Variants in STK40 observed in about 807,000 individuals in gnomAD.
STK40 encodes serine/threonine kinase 40, also known as serine/threonine-protein kinase 40.
In STK40, 13 loss-of-function variants were observed where a neutral mutation model predicts 47.9. That is an observed-to-expected ratio of 0.27 (90% CI 0.18 to 0.43). The LOEUF (loss-of-function observed/expected upper bound fraction) is 0.43. STK40 is among the 20% of genes least tolerant of loss of function. The pLI is 1.00. For missense variants in STK40, 460 were observed against 595.1 expected, an observed-to-expected ratio of 0.77 and a Z score of 2.36; for synonymous variants, 225 against 243.2, an observed-to-expected ratio of 0.93 and a Z score of 0.69.
At chr1:36,365,432 T>C (rs1169381486) in intron 1 of STK40, among the ~76,000 whole-genome samples, 1 of 152,198 alleles carries the variant, frequency 6.6e-6, no homozygotes, top group African/African-American at 2.4e-5. Context: ...AGCACAGCCA[T>C]GACTTAATTT....
intron 1 of STK40, among the ~76,000 whole-genome samples, chr1:36,383,479 C>T (rs886540911): frequency 6.6e-6 from 1 of 152,240 alleles, no homozygotes; most frequent in African/African-American, 2.4e-5. Context: ...ACTGGTTGCA[C>T]ATGGTGCTTC....
Position 36,341,844 on chromosome 1 carries a change from C to T in STK40, c.1219G>A (p.Ala407Thr), listed in dbSNP as rs564284695. The T allele has an allele frequency of 2.1e-5, 34 of 1,613,692 alleles. No individual in the cohort carries two copies. The highest frequency in any genetic ancestry group is 4.5e-5 in the East Asian group (2 of 44,868). Residue 407 changes from alanine to threonine, a missense_variant, in exon 11 of 11, where the codon GCA (alanine) becomes ACA (threonine). By Grantham distance (58) the Ala-to-Thr change is moderately conservative. Transcript: ENST00000373132. ...SWVPKRQFGS[A>T]PPVRRLGHDA... ...TGGCCCAGCCGTCGCACCGGTGGTG[C>T]GCTGCCGAACTGCCGCTTGGGTACC...
intron 7 of STK40, among the ~76,000 whole-genome samples, chr1:36,347,756 G>C (rs897291576): frequency 6.6e-6 from 1 of 151,648 alleles, no homozygotes; most frequent in African/African-American, 2.4e-5. Context: ...GGGTTCAAGC[G>C]ATTCTCCTGC....
intron 10 of STK40, chr1:36,343,090 AG>A: frequency 1.6e-6 from 1 of 612,080 alleles, no homozygotes. Context: ...GAGGAAGCTG[AG>A]AGGGCTGGCC....
At chr1:36,365,131 C>T (rs1646890422) in intron 1 of STK40, among the ~76,000 whole-genome samples, 1 of 152,100 alleles carries the variant, frequency 6.6e-6, no homozygotes, top group Admixed American at 6.5e-5. Context: ...GCTGGGATTA[C>T]AGGCATGTGC....
chr1:36,358,666 G>A (rs1646826445), intron 3 of STK40, 71 bp downstream of exon 3: 1 of 1,505,246 alleles, frequency 6.6e-7, no homozygotes, highest in Non-Finnish European at 9.2e-7. Flanking sequence ...GTGTGAAGGT[G>A]GAGGAGGGAG....
chr1:36,383,744 C>T (rs1441898713), intron 1 of STK40, among the ~76,000 whole-genome samples: 1 of 152,192 alleles, frequency 6.6e-6, no homozygotes, highest in African/African-American at 2.4e-5. Context: ...ACCTATACTG[C>T]TTCACTTGCA....
intron 1 of STK40, among the ~76,000 whole-genome samples, chr1:36,370,497 G>A (rs1227953824): frequency 1.3e-5 from 2 of 152,144 alleles, no homozygotes; most frequent in Non-Finnish European, 2.9e-5. Flanking sequence ...ACTACACCTG[G>A]GGTGAAATGA....
Position 36,342,905 on chromosome 1 carries a change from C to T in STK40, c.1089+459G>A, listed in dbSNP as rs148297414. On this transcript the variant is annotated intron_variant, in intron 10 of 10. Transcript: ENST00000373132. ...CCAGGGGGCACCCTAAGATCACCTG[C>T]CCTCTGCTGCCTGGTGCCCAAGTCT... is the stretch of plus-strand genomic sequence containing the variant. The T allele has an allele frequency of 2.4e-3, 1,117 of 466,866 alleles. 12 individuals carry two copies. The highest frequency in any genetic ancestry group is 0.02 in the African/African-American group (1,042 of 50,896). 28.9% of individuals were successfully genotyped at this position (466,866 alleles called of 1,614,324 possible). A position where few individuals can be genotyped will look rare whatever the true frequency, so the allele number is the denominator to read the frequency against.
intron 6 of STK40, among the ~76,000 whole-genome samples, chr1:36,352,093 C>T (rs530245006): frequency 2.0e-4 from 30 of 152,350 alleles, no homozygotes; most frequent in African/African-American, 7.2e-4. Flanking sequence ...TGGCTCTCCA[C>T]AGCCCAGGGC....
intron 1 of STK40, among the ~76,000 whole-genome samples, chr1:36,364,711 C>T (rs1490159924): frequency 6.6e-6 from 1 of 151,866 alleles, no homozygotes; most frequent in Non-Finnish European, 1.5e-5. Context: ...GTAATCCCAG[C>T]ACTTTGGGAG....
chr1:36,359,545 G>C (rs1403515818), intron 2 of STK40, among the ~76,000 whole-genome samples: 1 of 152,190 alleles, frequency 6.6e-6, no homozygotes, highest in Non-Finnish European at 1.5e-5. Context: ...GCCAGCTTTG[G>C]GGACTTTCTG....
intron 1 of STK40, among the ~76,000 whole-genome samples, chr1:36,363,365 T>TA (rs1336246640): frequency 2.6e-5 from 4 of 152,018 alleles, no homozygotes; most frequent in South Asian, 2.1e-4. Context: ...AATAAAGCTG[T>TA]AAAAAACAAA....
In STK40 at chr1:36,374,519, G is replaced by A. The variant is rs562019256; in HGVS notation, c.-9+11204C>T. On this transcript the variant is annotated intron_variant, in intron 1 of 10. Transcript: ENST00000373132. ...GAGAGCCACCAGAGCAGAATCCAGG[G>A]CAGCATTGCCAGCCCTGCCACCAGC... Among the ~76,000 whole-genome samples, 4 of 152,352 alleles carry A rather than the reference G, an allele frequency of 2.6e-5. No individual in the cohort carries two copies. In the East Asian group the frequency reaches 7.7e-4, roughly 29 times the overall value.
chr1:36,340,877 C>T lies in STK40; in HGVS notation c.*878G>A, dbSNP rs968649181. ...GCAGCCCAACCCATGGGCCCCTTCG[C>T]ACTGGGAGTCCACGTGAGCTCAGTA... is the stretch of plus-strand genomic sequence containing the variant. On this transcript the variant is annotated 3_prime_UTR_variant, in exon 11 of 11. Coordinates refer to ENST00000373132, the MANE Select transcript of STK40 (RefSeq NM_001282547.2). 1.3e-5 allele frequency: 2 copies of T among 152,430 alleles called. No individual in the cohort carries two copies. Among genetic ancestry groups the T allele is most frequent in the Non-Finnish European group, 2.9e-5 (2 of 68,198 alleles). 9.4% of individuals were successfully genotyped at this position (152,430 alleles called of 1,614,324 possible).
intron 1 of STK40, among the ~76,000 whole-genome samples, chr1:36,371,633 T>C (rs530979685): frequency 7.0e-6 from 1 of 143,060 alleles, no homozygotes; most frequent in East Asian, 2.0e-4. Context: ...TCACAGATCA[T>C]GTGATCCTGC....
Position 36,358,836 on chromosome 1 carries a change from A to T in STK40, c.113-14T>A. 1 of 1,614,060 alleles carries T rather than the reference A, an allele frequency of 6.2e-7. No individual in the cohort carries two copies. The highest frequency in any genetic ancestry group is 8.5e-7 in the Non-Finnish European group (1 of 1,180,000). On this transcript the variant is annotated splice_polypyrimidine_tract_variant and intron_variant, in intron 2 of 10. Transcript: ENST00000373132. ...CCAGACGGGGACCTACGGCACAGAG[A>T]GCTGCTGGTCTACTTTTCAGAAGCC... is the stretch of plus-strand genomic sequence containing the variant.
Position 36,354,905 on chromosome 1 carries a change from G to A in STK40, c.570+301C>T, listed in dbSNP as rs192893336. Among the ~76,000 whole-genome samples the A allele has an allele frequency of 5.9e-5, 9 of 152,188 alleles. No homozygotes were observed. In the East Asian group the frequency reaches 1.7e-3, roughly 29 times the overall value. ...CAGATGTGCTGTAGTTGCTTGGGTGGGTATCTCACTGTCATCACTACATGG... is the reference window on the plus strand; with the variant it reads ...CAGATGTGCTGTAGTTGCTTGGGTGAGTATCTCACTGTCATCACTACATGG... On this transcript the variant is annotated intron_variant, in intron 5 of 10. Coordinates refer to ENST00000373132, the MANE Select transcript of STK40 (RefSeq NM_001282547.2).
At chr1:36,343,049 AG>A in intron 10 of STK40, 1 of 602,130 alleles carries the variant, frequency 1.7e-6, no homozygotes, top group Non-Finnish European at 3.0e-6. Context: ...ACTCTGAGTC[AG>A]GGGGCAGAGA....
Sources: allele counts gnomAD v4.1 joint callset (sites outside exome capture counted in the v4.1 genomes callset), GRCh38; gene constraint gnomAD v4.1.1; transcripts MANE v1.5; gene names NCBI Gene and HGNC (gene_info 2026-07-23, HGNC 2026-07-21).